The following FAM13A variants were observed in gnomAD, a reference collection of about 807,000 sequenced individuals.
The protein encoded by FAM13A is family with sequence similarity 13 member A, also known as protein FAM13A.
A neutral mutation model predicts 129.6 loss-of-function variants in FAM13A; 76 were observed. That is an observed-to-expected ratio of 0.59 (90% confidence interval 0.49 to 0.71). FAM13A has a LOEUF of 0.71. Among genes scored for constraint, FAM13A ranks in the 30% least tolerant of loss-of-function variants. FAM13A has a pLI of 0.00. For synonymous variants in FAM13A, 443 were observed against 449.9 expected, an observed-to-expected ratio of 0.98 and a Z score of 0.20; for missense variants, 1,108 against 1,249.3, an observed-to-expected ratio of 0.89 and a Z score of 1.70.
chr4:88,985,988 A>G (rs910834718), intron 4 of FAM13A, among the ~76,000 whole-genome samples: 2 of 152,220 alleles, frequency 1.3e-5, no homozygotes, highest in Non-Finnish European at 2.9e-5. Context: ...ACATATACAC[A>G]CTTATTTTTA....
chr4:88,974,241 T>C (rs556002354), intron 4 of FAM13A, among the ~76,000 whole-genome samples: 1 of 152,238 alleles, frequency 6.6e-6, no homozygotes, highest in South Asian at 2.1e-4. Flanking sequence ...ACAGTTCAGG[T>C]TGTTCTACCC....
At chr4:88,760,815 T>C (rs1380634945) in intron 13 of FAM13A, among the ~76,000 whole-genome samples, 4 of 151,400 alleles carry the variant, frequency 2.6e-5, no homozygotes, top group Non-Finnish European at 4.4e-5. Context: ...GCCACTCAGT[T>C]ACCAATCATG....
At chr4:89,038,598 C>T (rs780128800) in intron 1 of FAM13A, among the ~76,000 whole-genome samples, 2 of 151,972 alleles carry the variant, frequency 1.3e-5, no homozygotes, top group Non-Finnish European at 2.9e-5. Flanking sequence ...ATTTAGTTAA[C>T]CTAAATTTTT....
At chr4:88,932,394 T>G (rs1753166223) in intron 5 of FAM13A, among the ~76,000 whole-genome samples, 2 of 152,214 alleles carry the variant, frequency 1.3e-5, no homozygotes, top group Non-Finnish European at 2.9e-5. Flanking sequence ...TATTCTCCCT[T>G]TTGCCCCTGT....
intron 3 of FAM13A, among the ~76,000 whole-genome samples, chr4:89,007,827 T>C (rs1303642036): frequency 1.3e-5 from 2 of 152,208 alleles, no homozygotes; most frequent in Non-Finnish European, 2.9e-5. Flanking sequence ...AATATCACAT[T>C]AGAGCTGGTG....
intron 6 of FAM13A, among the ~76,000 whole-genome samples, chr4:88,883,437 T>A (rs1435999073): frequency 6.6e-6 from 1 of 152,030 alleles, no homozygotes; most frequent in Non-Finnish European, 1.5e-5. Context: ...GAAATCAAGA[T>A]GGAAATTAAA....
chr4:89,034,255 T>C (rs1314886221), intron 1 of FAM13A, among the ~76,000 whole-genome samples: 1 of 152,018 alleles, frequency 6.6e-6, no homozygotes, highest in Non-Finnish European at 1.5e-5. Context: ...AATAACCCCA[T>C]TAAAAATGAG....
intron 6 of FAM13A, among the ~76,000 whole-genome samples, chr4:88,865,880 T>TC (rs1740326236): frequency 2.5e-5 from 1 of 39,638 alleles, no homozygotes; most frequent in Non-Finnish European, 4.2e-5. Context: ...GTCTCTCTCT[T>TC]TTTTTTTTTT....
At chr4:88,989,676 T>A (rs1233426818) in intron 4 of FAM13A, 1 of 152,200 alleles carries the variant, frequency 6.6e-6, no homozygotes, top group Non-Finnish European at 1.5e-5. Flanking sequence ...TGTAAAACCA[T>A]ACTAATTAGA....
At chr4:88,819,862 T>C (rs1253756612) in intron 7 of FAM13A, among the ~76,000 whole-genome samples, 5 of 152,316 alleles carry the variant, frequency 3.3e-5, no homozygotes, top group Middle Eastern at 3.4e-3. Context: ...TCAATAGAGA[T>C]AGTTAATAAG....
chr4:88,921,585 C>T (rs1001548076), intron 5 of FAM13A, among the ~76,000 whole-genome samples: 11 of 152,080 alleles, frequency 7.2e-5, no homozygotes, highest in African/African-American at 2.7e-4. Flanking sequence ...TGGTACCAGC[C>T]GCTGCAAAAT....
intron 8 of FAM13A, among the ~76,000 whole-genome samples, chr4:88,792,062 C>T (rs540590292): frequency 8.5e-5 from 13 of 152,146 alleles, no homozygotes; most frequent in South Asian, 2.1e-4. Context: ...GATTCAAATT[C>T]GTATTAAATA....
At chr4:88,819,779 G>A (rs867971558) in intron 7 of FAM13A, among the ~76,000 whole-genome samples, 4 of 152,062 alleles carry the variant, frequency 2.6e-5, no homozygotes, top group Middle Eastern at 3.2e-3. Flanking sequence ...ACTATGTTGA[G>A]TTTCATTATT....
chr4:88,822,356 A>C (rs1578821545), intron 7 of FAM13A, among the ~76,000 whole-genome samples: 1 of 152,304 alleles, frequency 6.6e-6, no homozygotes, highest in East Asian at 1.9e-4. Context: ...GCCTCCCCCC[A>C]GACCCACAAT....
chr4:88,938,781 T>C (rs1162175313), intron 4 of FAM13A, among the ~76,000 whole-genome samples: 1 of 152,180 alleles, frequency 6.6e-6, no homozygotes, highest in Non-Finnish European at 1.5e-5. Flanking sequence ...ACAATAAAAA[T>C]AGTTGAAAAT....
chr4:88,846,018 A>T (rs887383231), intron 7 of FAM13A, among the ~76,000 whole-genome samples: 1 of 152,350 alleles, frequency 6.6e-6, no homozygotes, highest in Non-Finnish European at 1.5e-5. Flanking sequence ...TTAGATAAAT[A>T]CTTGGCATAG....
chr4:88,925,712 A>G (rs1342834927), intron 5 of FAM13A, among the ~76,000 whole-genome samples: 2 of 151,004 alleles, frequency 1.3e-5, no homozygotes, highest in Non-Finnish European at 2.9e-5. Context: ...AATAAAAAAT[A>G]AATAAAAATA....
intron 6 of FAM13A, among the ~76,000 whole-genome samples, chr4:88,896,186 C>T (rs1462354948): frequency 3.3e-5 from 5 of 150,866 alleles, no homozygotes; most frequent in Non-Finnish European, 7.4e-5. Flanking sequence ...AACCAAACAC[C>T]GCATATTCTC....
chr4:89,001,672 G>C (rs914939507), intron 3 of FAM13A, among the ~76,000 whole-genome samples: 1 of 152,068 alleles, frequency 6.6e-6, no homozygotes, highest in Non-Finnish European at 1.5e-5. Context: ...TTATTCATGT[G>C]GTACTGTAAA....
Sources: allele counts gnomAD v4.1 joint callset (sites outside exome capture counted in the v4.1 genomes callset), GRCh38; gene constraint gnomAD v4.1.1; transcripts MANE v1.5; gene names NCBI Gene and HGNC (gene_info 2026-07-23, HGNC 2026-07-21).